The following HYAL4 variants were observed in gnomAD, a reference collection of about 807,000 sequenced individuals.
HYAL4 encodes hyaluronidase-4.
In HYAL4, 37 loss-of-function variants were observed where a neutral mutation model predicts 35.2. The observed-to-expected ratio is 1.05, with a 90% CI of 0.81 to 1.38. The LOEUF (loss-of-function observed/expected upper bound fraction) is 1.38, where lower values mean the gene tolerates loss of function less well. HYAL4 is among the 40% of genes most tolerant of loss of function. HYAL4 has a pLI of 0.00. For missense variants in HYAL4, 572 were observed against 572.4 expected, an observed-to-expected ratio of 1.00 and a Z score of 0.01; for synonymous variants, 198 against 203.2, an observed-to-expected ratio of 0.97 and a Z score of 0.22.
intron 3 of HYAL4, among the ~76,000 whole-genome samples, chr7:123,873,284 T>C (rs1186939809): frequency 6.6e-6 from 1 of 152,148 alleles, no homozygotes; most frequent in Admixed American, 6.6e-5. Flanking sequence ...TCATGTCAGC[T>C]ATGACCTGTT....
chr7:123,793,511 C>A, the HYAL4 span, among the ~76,000 whole-genome samples: 1 of 152,088 alleles, frequency 6.6e-6, no homozygotes, highest in Non-Finnish European at 1.5e-5. Flanking sequence ...ATGGGAGGGA[C>A]CTGGTGGAAA....
intron 2 of HYAL4, among the ~76,000 whole-genome samples, chr7:123,851,037 A>G (rs531172545): frequency 2.0e-5 from 3 of 152,366 alleles, no homozygotes; most frequent in African/African-American, 7.2e-5. Flanking sequence ...AAATATTTGT[A>G]TGAAAAAGTA....
chr7:123,814,089 T>C, the HYAL4 span: 5 of 152,218 alleles, frequency 3.3e-5, no homozygotes, highest in African/African-American at 7.2e-5. Context: ...TGTATGATAT[T>C]TTGCTTATTA....
At chr7:123,772,520 G>A in the HYAL4 span, among the ~76,000 whole-genome samples, 3 of 152,132 alleles carry the variant, frequency 2.0e-5, no homozygotes, top group African/African-American at 7.2e-5. Flanking sequence ...TGAAAACAAT[G>A]TTTCTGTTAC....
At chr7:123,872,598 C>A (rs892317330) in intron 3 of HYAL4, among the ~76,000 whole-genome samples, 5 of 152,238 alleles carry the variant, frequency 3.3e-5, no homozygotes, top group East Asian at 3.8e-4. Flanking sequence ...CTGTGCCACA[C>A]TGGGACCTGG....
At chr7:123,819,144 A>G in the HYAL4 span, among the ~76,000 whole-genome samples, 5 of 152,114 alleles carry the variant, frequency 3.3e-5, no homozygotes, top group Non-Finnish European at 5.9e-5. Flanking sequence ...ATCTACTTCC[A>G]TGAGATTAAC....
intron 2 of HYAL4, among the ~76,000 whole-genome samples, chr7:123,850,919 TG>T (rs149019560): frequency 0.021 from 3,199 of 152,316 alleles, 104 homozygotes; most frequent in African/African-American, 0.073. Flanking sequence ...AGATTACATC[TG>T]GAAATCAAAA....
the HYAL4 span, among the ~76,000 whole-genome samples, chr7:123,804,674 C>T: frequency 2.6e-5 from 4 of 152,278 alleles, no homozygotes; most frequent in East Asian, 7.7e-4. Flanking sequence ...TGGCCGCCCA[C>T]ACATTAGACC....
At chr7:123,773,917 A>AAC in the HYAL4 span, among the ~76,000 whole-genome samples, 9 of 152,198 alleles carry the variant, frequency 5.9e-5, no homozygotes, top group East Asian at 5.8e-4. Flanking sequence ...CCATTCATCA[A>AAC]ACATTTGTTT....
intron 2 of HYAL4, among the ~76,000 whole-genome samples, chr7:123,866,885 G>A (rs560227091): frequency 5.0e-4 from 76 of 150,894 alleles, no homozygotes; most frequent in African/African-American, 1.8e-3. Context: ...CCACCTCCCA[G>A]GTTGAAGCGA....
At chr7:123,860,357 T>C (rs1422375479) in intron 2 of HYAL4, among the ~76,000 whole-genome samples, 1 of 152,184 alleles carries the variant, frequency 6.6e-6, no homozygotes, top group African/African-American at 2.4e-5. Context: ...ACACAAATTA[T>C]TATACTGTGT....
the HYAL4 span, among the ~76,000 whole-genome samples, chr7:123,800,100 T>C: frequency 5.3e-5 from 8 of 151,730 alleles, no homozygotes; most frequent in Non-Finnish European, 8.8e-5. Context: ...TAAGTGGAGG[T>C]TGCAGTGAGC....
the HYAL4 span, among the ~76,000 whole-genome samples, chr7:123,807,633 T>C: frequency 6.0e-4 from 91 of 151,470 alleles, no homozygotes; most frequent in African/African-American, 2.1e-3. Context: ...TAGAGATAGG[T>C]TTTCACCATG....
chr7:123,790,652 G>C, the HYAL4 span: 5,216 of 149,960 alleles, frequency 0.035, 113 homozygotes, highest in Non-Finnish European at 0.053. Flanking sequence ...TTGCGCAGGG[G>C]CCATGCTAAT....
chr7:123,815,380 A>C, the HYAL4 span, among the ~76,000 whole-genome samples: 18 of 152,328 alleles, frequency 1.2e-4, no homozygotes, highest in African/African-American at 2.2e-4. Context: ...AGGTAACAGC[A>C]ATTTTCCAAA....
the HYAL4 span, among the ~76,000 whole-genome samples, chr7:123,789,528 G>A: frequency 0.13 from 20,047 of 152,130 alleles, 1,498 homozygotes; most frequent in Admixed American, 0.19. Context: ...TATATAAAAT[G>A]TGCATATTTC....
intron 1 of HYAL4, among the ~76,000 whole-genome samples, chr7:123,830,627 A>G (rs185015016): frequency 3.3e-5 from 5 of 152,154 alleles, no homozygotes; most frequent in South Asian, 2.1e-4. Context: ...ACAACCCACA[A>G]TTTTCTGAAT....
chr7:123,819,719 C>G, the HYAL4 span, among the ~76,000 whole-genome samples: 1 of 152,024 alleles, frequency 6.6e-6, no homozygotes, highest in South Asian at 2.1e-4. Flanking sequence ...TTCTGAGTCT[C>G]AGCTTCTCCA....
chr7:123,804,141 T>A, the HYAL4 span, among the ~76,000 whole-genome samples: 1 of 152,246 alleles, frequency 6.6e-6, no homozygotes, highest in Non-Finnish European at 1.5e-5. Flanking sequence ...TCTCACAAGC[T>A]GCCACCCAAC....
Sources: gnomAD v4.1 joint callset for allele counts (sites outside exome capture counted in the v4.1 genomes callset) on GRCh38, gnomAD v4.1.1 for gene constraint, MANE v1.5 for transcripts, NCBI Gene and HGNC (gene_info 2026-07-23, HGNC 2026-07-21) for gene names.